The following JARID2 variants were observed in gnomAD, a reference collection of about 807,000 sequenced individuals.
JARID2 encodes the protein jumonji and AT-rich interaction domain containing 2, also known as protein Jumonji.
Under a neutral mutation model 125.6 loss-of-function variants are expected in JARID2, and 21 were observed. That is an observed-to-expected ratio of 0.17 (90% CI 0.12 to 0.24). The LOEUF is 0.24. Among genes scored for constraint, JARID2 ranks in the 10% least tolerant of loss-of-function variants. The pLI is 1.00. For synonymous variants in JARID2, 736 were observed against 661.6 expected (o/e 1.11, Z -1.73); for missense variants, 1,303 against 1,639.6 (o/e 0.79, Z 3.55).
chr6:15,438,939 A>G lies in JARID2; in HGVS notation c.324-13067A>G, dbSNP rs140763167. Among the ~76,000 whole-genome samples the G allele has an allele frequency of 7.2e-3, 1,092 of 151,916 alleles. 14 individuals are homozygous for G. The highest frequency in any genetic ancestry group is 0.025 in the African/African-American group (1,038 of 41,426). On this transcript the variant is annotated intron_variant, in intron 3 of 17. Transcript: ENST00000341776. The stretch of plus-strand genomic sequence containing the variant: ...TCCAGCTACTCAGGAGGCTGAGGCA[A>G]GAGAATCGCTTCAACCCGGAAGGGG...
At chr6:15,274,382 A>G (rs953746389) in intron 1 of JARID2, among the ~76,000 whole-genome samples, 17 of 152,294 alleles carry the variant, frequency 1.1e-4, no homozygotes, top group Admixed American at 3.3e-4. Flanking sequence ...TATCTGCTAG[A>G]GAAATGGGAT....
chr6:15,381,563 G>A (rs1464365295), intron 2 of JARID2, among the ~76,000 whole-genome samples: 1 of 152,078 alleles, frequency 6.6e-6, no homozygotes, highest in Non-Finnish European at 1.5e-5. Flanking sequence ...TGAAATGAAG[G>A]GCTTCAATGT....
chr6:15,455,594 C>T (rs377209353), intron 4 of JARID2, among the ~76,000 whole-genome samples: 3 of 152,146 alleles, frequency 2.0e-5, no homozygotes, highest in Non-Finnish European at 2.9e-5. Context: ...TGCAACAGCG[C>T]GATCTTGGCT....
intron 2 of JARID2, among the ~76,000 whole-genome samples, chr6:15,403,937 T>G (rs1765543114): frequency 6.6e-6 from 1 of 152,174 alleles, no homozygotes; most frequent in South Asian, 2.1e-4. Flanking sequence ...TTGTCTTTTC[T>G]TGACCGGAAT....
intron 1 of JARID2, among the ~76,000 whole-genome samples, chr6:15,308,011 G>A (rs1040329908): frequency 1.3e-5 from 2 of 152,140 alleles, no homozygotes; most frequent in Admixed American, 6.5e-5. Flanking sequence ...CAAAACTTTC[G>A]AGTTTCCATT....
chr6:15,374,749 C>T (rs1764291196), intron 2 of JARID2, among the ~76,000 whole-genome samples: 1 of 152,208 alleles, frequency 6.6e-6, no homozygotes, highest in African/African-American at 2.4e-5. Flanking sequence ...GGATGATTAT[C>T]ACTTGGCTCC....
chr6:15,280,838 A>G (rs1051055850), intron 1 of JARID2, among the ~76,000 whole-genome samples: 4 of 152,140 alleles, frequency 2.6e-5, no homozygotes, highest in African/African-American at 7.2e-5. Flanking sequence ...CATGTTGGCC[A>G]GGCTGGTCTT....
chr6:15,321,878 C>T (rs867253171), intron 1 of JARID2, among the ~76,000 whole-genome samples: 1 of 138,762 alleles, frequency 7.2e-6, no homozygotes, highest in Non-Finnish European at 1.5e-5. Context: ...CTGCAAACTT[C>T]GCCTTCCGGG....
chr6:15,300,720 T>TGA (rs1264622122), intron 1 of JARID2, among the ~76,000 whole-genome samples: 281 of 130,148 alleles, frequency 2.2e-3, no homozygotes, highest in African/African-American at 6.6e-3. Context: ...TGTGTGTGTG[T>TGA]GTGAGAGAGA....
At chr6:15,271,053 G>A (rs543595897) in intron 1 of JARID2, among the ~76,000 whole-genome samples, 1 of 152,316 alleles carries the variant, frequency 6.6e-6, no homozygotes, top group South Asian at 2.1e-4. Flanking sequence ...GGAACACAGA[G>A]TTCCCCTCCA....
rs112355607 is a variant in JARID2 at position 15,518,596 on chromosome 6, T to C, written c.3558+1328T>C. Among the ~76,000 whole-genome samples the C allele has an allele frequency of 3.9e-3, 589 of 152,182 alleles. 5 individuals carry two copies. The highest frequency in any genetic ancestry group is 4.1e-3 in the Non-Finnish European group (276 of 67,994). ...TCCCAGGTTCACGCCATTCTCCTGCTTCAGTTTCTGGAGTAGCTGGGATTA... is the reference window on the plus strand; with the variant it reads ...TCCCAGGTTCACGCCATTCTCCTGCCTCAGTTTCTGGAGTAGCTGGGATTA... On this transcript the variant is annotated intron_variant, in intron 17 of 17. Coordinates refer to ENST00000341776, the MANE Select transcript of JARID2 (RefSeq NM_004973.4).
At chr6:15,471,393 G>A (rs779415663) in intron 5 of JARID2, among the ~76,000 whole-genome samples, 3 of 152,170 alleles carry the variant, frequency 2.0e-5, no homozygotes, top group Non-Finnish European at 4.4e-5. Context: ...TGGTTTAATA[G>A]AGATTGAAGA....
At chr6:15,428,351 T>C (rs1766821245) in intron 3 of JARID2, among the ~76,000 whole-genome samples, 1 of 152,136 alleles carries the variant, frequency 6.6e-6, no homozygotes, top group Non-Finnish European at 1.5e-5. Flanking sequence ...ACATGTGCCA[T>C]GTTGGTGTGC....
rs535361123 is a variant in JARID2 at position 15,436,985 on chromosome 6, G to T, written c.324-15021G>T. 3.9e-5 allele frequency among the ~76,000 whole-genome samples: 6 copies of T among 152,172 alleles called. No homozygotes were observed. The East Asian group carries it at 1.2e-3, about 29-fold the overall frequency. On this transcript the variant is annotated intron_variant, in intron 3 of 17. Transcript: ENST00000341776. Reference sequence around the variant, plus strand: ...TGGAGCTCTAAATGGAACCCTCCCAGCATATCCAGGTCCTTCTTAGAGCCC... The same window carrying T: ...TGGAGCTCTAAATGGAACCCTCCCATCATATCCAGGTCCTTCTTAGAGCCC...
intron 1 of JARID2, among the ~76,000 whole-genome samples, chr6:15,328,897 G>A (rs768260807): frequency 1.3e-5 from 2 of 152,260 alleles, no homozygotes; most frequent in African/African-American, 2.4e-5. Context: ...GGCCCCACCT[G>A]TGTGGGGATG....
rs1337398581 is a variant in JARID2, at chr6:15,264,270, G to T, written c.45+17686G>T. Among the ~76,000 whole-genome samples, 3 of 152,200 alleles carry T rather than the reference G, an allele frequency of 2.0e-5. No individual in the cohort carries two copies. The East Asian group carries it at 5.8e-4, about 29-fold the overall frequency. ...GATGATAAGAAGCCTGTAAACACCA[G>T]TGTGTCCGTCAGTATTTGGAATCTT... On this transcript the variant is annotated intron_variant, in intron 1 of 17. Coordinates refer to ENST00000341776, the MANE Select transcript of JARID2 (RefSeq NM_004973.4).
chr6:15,467,568 A>C (rs1267165679), intron 4 of JARID2, among the ~76,000 whole-genome samples: 1 of 149,540 alleles, frequency 6.7e-6, no homozygotes, highest in Non-Finnish European at 1.5e-5. Context: ...AAGGGTGGGC[A>C]TGGGGGCTCA....
Position 15,332,255 on chromosome 6 carries a change from A to G in JARID2, c.46-41862A>G, listed in dbSNP as rs145123070. ...CAAATGGTTCTGTGAGAAAAACCAAATTAGCAAGCTACCTCAGGAATTTAA... is the reference window on the plus strand; with the variant it reads ...CAAATGGTTCTGTGAGAAAAACCAAGTTAGCAAGCTACCTCAGGAATTTAA... On this transcript the variant is annotated intron_variant, in intron 1 of 17. Coordinates refer to ENST00000341776, the MANE Select transcript of JARID2 (RefSeq NM_004973.4). Among the ~76,000 whole-genome samples, 407 of 152,352 alleles carry G rather than the reference A, an allele frequency of 2.7e-3. 1 individual carries two copies. Among genetic ancestry groups the G allele is most frequent in the African/African-American group, 9.3e-3 (387 of 41,584 alleles).
chr6:15,492,833 C>T (rs758007526), intron 6 of JARID2, among the ~76,000 whole-genome samples: 3 of 152,082 alleles, frequency 2.0e-5, no homozygotes, highest in Admixed American at 6.5e-5. Context: ...TGGGTGAGAT[C>T]CATCTAGTCT....
Sources: allele counts gnomAD v4.1 joint callset (sites outside exome capture counted in the v4.1 genomes callset), GRCh38; gene constraint gnomAD v4.1.1; transcripts MANE v1.5; gene names NCBI Gene and HGNC (gene_info 2026-07-23, HGNC 2026-07-21).